STK24: variants seen among roughly 807,000 people sequenced by gnomAD.
STK24 encodes the protein serine/threonine-protein kinase 24.
A neutral mutation model predicts 55.6 loss-of-function variants in STK24; 21 were observed. The observed-to-expected ratio is 0.38, with a 90% CI of 0.27 to 0.54. The LOEUF is 0.54. Ranked by LOEUF, STK24 falls within the 20% of genes least tolerant of loss-of-function variation. The pLI is 0.79. For missense variants in STK24, 383 were observed against 538.4 expected (o/e 0.71, Z 2.86); for synonymous variants, 200 against 215.2 (o/e 0.93, Z 0.62).
chr13:98,559,152 C>T (rs958900639), intron 1 of STK24, among the ~76,000 whole-genome samples: 6 of 151,672 alleles, frequency 4.0e-5, no homozygotes, highest in Non-Finnish European at 8.8e-5. Flanking sequence ...CCAGCCTGGG[C>T]AACAAGAGCG....
At chr13:98,567,197 G>A (rs187533144) in intron 1 of STK24, among the ~76,000 whole-genome samples, 4 of 152,348 alleles carry the variant, frequency 2.6e-5, no homozygotes, top group African/African-American at 9.6e-5. Context: ...GCGCTGTGCA[G>A]TGCCCCCAGC....
chr13:98,493,094 C>T (rs1401139594), intron 2 of STK24, among the ~76,000 whole-genome samples: 3 of 152,318 alleles, frequency 2.0e-5, no homozygotes, highest in South Asian at 2.1e-4. Context: ...GAAAGGTTTA[C>T]GTGCCTCATT....
chr13:98,534,480 G>A (rs1445215037), intron 1 of STK24, among the ~76,000 whole-genome samples: 1 of 152,142 alleles, frequency 6.6e-6, no homozygotes, highest in African/African-American at 2.4e-5. Context: ...TTCTTGCCTG[G>A]GGACTATACT....
At chr13:98,468,726 G>T (rs1450570784) in intron 5 of STK24, among the ~76,000 whole-genome samples, 1 of 152,184 alleles carries the variant, frequency 6.6e-6, no homozygotes, top group Non-Finnish European at 1.5e-5. Flanking sequence ...ATTTGTAAGG[G>T]TACATAATAG....
intron 2 of STK24, among the ~76,000 whole-genome samples, chr13:98,494,279 G>C (rs1227695509): frequency 1.3e-5 from 2 of 148,356 alleles, no homozygotes; most frequent in Non-Finnish European, 3.0e-5. Context: ...GCGTAGTGGC[G>C]GGCACCTGTA....
intron 2 of STK24, among the ~76,000 whole-genome samples, chr13:98,490,383 C>T (rs1351815301): frequency 6.6e-6 from 1 of 152,044 alleles, no homozygotes; most frequent in African/African-American, 2.4e-5. Context: ...TGCAAGCCAC[C>T]CTAGGTAAAT....
At chr13:98,573,711 T>C (rs1206684946) in intron 1 of STK24, among the ~76,000 whole-genome samples, 1 of 152,228 alleles carries the variant, frequency 6.6e-6, no homozygotes, top group Non-Finnish European at 1.5e-5. Context: ...TAAACTTTAA[T>C]GTTTGCAAAA....
chr13:98,500,358 G>A (rs1229832287), intron 2 of STK24, among the ~76,000 whole-genome samples: 1 of 152,132 alleles, frequency 6.6e-6, no homozygotes, highest in African/African-American at 2.4e-5. Flanking sequence ...GGCTGGAGAA[G>A]CTATTTAAGA....
chr13:98,520,210 A>G (rs979634504), intron 1 of STK24, among the ~76,000 whole-genome samples: 1 of 152,242 alleles, frequency 6.6e-6, no homozygotes, highest in Non-Finnish European at 1.5e-5. Context: ...CAAAGGGGGC[A>G]GTAACCTGTC....
intron 2 of STK24, among the ~76,000 whole-genome samples, chr13:98,518,007 A>C (rs1896127241): frequency 6.6e-6 from 1 of 152,238 alleles, no homozygotes; most frequent in Non-Finnish European, 1.5e-5. Context: ...GCAAATGAGA[A>C]AGTGGAGAAG....
chr13:98,500,749 T>C (rs1012717663), intron 2 of STK24, among the ~76,000 whole-genome samples: 33 of 150,200 alleles, frequency 2.2e-4, no homozygotes, highest in African/African-American at 7.8e-4. Context: ...AGCCCAACTA[T>C]GACAATAATT....
In STK24 at chr13:98,446,844, G is replaced by A. The variant is rs772369942; in HGVS notation, c.*6329C>T. The stretch of plus-strand genomic sequence containing the variant: ...TAGACACCCCCTTCCCACGCACAGG[G>A]CCCTGCAGAAGAGGACCCCCTCTTC... On this transcript the variant is annotated 3_prime_UTR_variant, in exon 11 of 11. Transcript: ENST00000539966. 6.2e-7 allele frequency: 1 copy of A among 1,612,694 alleles called. No individual in the cohort carries two copies. Among genetic ancestry groups the A allele is most frequent in the Admixed American group, 1.7e-5 (1 of 59,990 alleles).
chr13:98,502,026 A>G (rs1895483502), intron 2 of STK24, among the ~76,000 whole-genome samples: 1 of 152,184 alleles, frequency 6.6e-6, no homozygotes, highest in Admixed American at 6.5e-5. Flanking sequence ...CTAAGCCAGC[A>G]GAAAACTCTA....
chr13:98,493,951 T>TCCTG (rs1445895583), intron 2 of STK24, among the ~76,000 whole-genome samples: 2 of 150,786 alleles, frequency 1.3e-5, no homozygotes, highest in African/African-American at 4.9e-5. Flanking sequence ...CACACCATTA[T>TCCTG]CCTGCCTCAG....
At chr13:98,469,742 C>T (rs941261070) in intron 5 of STK24, among the ~76,000 whole-genome samples, 3 of 152,158 alleles carry the variant, frequency 2.0e-5, no homozygotes, top group African/African-American at 7.2e-5. Flanking sequence ...GGGATCTCTT[C>T]TCCCCAGGAC....
chr13:98,537,506 C>G (rs1896768004), intron 1 of STK24, among the ~76,000 whole-genome samples: 2 of 152,310 alleles, frequency 1.3e-5, no homozygotes, highest in South Asian at 2.1e-4. Flanking sequence ...GAGAGGCAGA[C>G]AGACCTTCCA....
intron 1 of STK24, chr13:98,521,721 A>G: frequency 1.3e-6 from 1 of 771,670 alleles, no homozygotes; most frequent in Non-Finnish European, 2.4e-6. Flanking sequence ...ATAATGAAAC[A>G]TACCCCGTTT....
intron 1 of STK24, among the ~76,000 whole-genome samples, chr13:98,551,215 G>A (rs1897152629): frequency 6.6e-6 from 1 of 151,832 alleles, no homozygotes; most frequent in African/African-American, 2.4e-5. Flanking sequence ...GAACCCGGGA[G>A]GCGGAGCTTG....
chr13:98,463,264 T>A (rs1377245618), intron 7 of STK24, among the ~76,000 whole-genome samples: 1 of 152,110 alleles, frequency 6.6e-6, no homozygotes, highest in African/African-American at 2.4e-5. Context: ...TTGACAGCAA[T>A]TCTCAGTAAG....
Sources: allele counts gnomAD v4.1 joint callset (sites outside exome capture counted in the v4.1 genomes callset), GRCh38; gene constraint gnomAD v4.1.1; transcripts MANE v1.5; gene names NCBI Gene and HGNC (gene_info 2026-07-23, HGNC 2026-07-21).